Variants in ARHGAP32 observed in about 807,000 individuals in gnomAD.
The protein encoded by ARHGAP32 is Rho GTPase activating protein 32.
Under a neutral mutation model 186.5 loss-of-function variants are expected in ARHGAP32, and 51 were observed. The ratio of observed to expected loss-of-function variants is 0.27; its 90% CI spans 0.22 to 0.35. The LOEUF is 0.35. Among genes scored for constraint, ARHGAP32 ranks in the 10% least tolerant of loss-of-function variants. ARHGAP32 has a pLI of 1.00. For synonymous variants in ARHGAP32, 950 were observed against 964.3 expected (o/e 0.99, Z 0.27); for missense variants, 2,186 against 2,623.5 (o/e 0.83, Z 3.64).
intron 1 of ARHGAP32, among the ~76,000 whole-genome samples, chr11:129,209,386 C>G (rs1046040226): frequency 4.1e-5 from 6 of 147,886 alleles, no homozygotes; most frequent in Non-Finnish European, 9.0e-5. Flanking sequence ...AACAAGAAGA[C>G]GGACAAAGAA....
Position 128,985,999 on chromosome 11 carries a change from T to C in ARHGAP32, c.1526+4A>G, listed in dbSNP as rs1945862965. The C allele has an allele frequency of 6.2e-7, 1 of 1,602,832 alleles. No homozygotes were observed. Among genetic ancestry groups the C allele is most frequent in the African/African-American group, 1.4e-5 (1 of 73,892 alleles). ...CTGCCTGGTATTTACCCACTGTGGC[T>C]GACCTGTAGTGTGGTGGGGGGAGCT... On this transcript the variant is annotated splice_donor_region_variant and intron_variant, in intron 15 of 22. Transcript: ENST00000682385.
intron 1 of ARHGAP32, among the ~76,000 whole-genome samples, chr11:129,204,760 C>G (rs1163610828): frequency 6.6e-6 from 1 of 152,170 alleles, no homozygotes; most frequent in African/African-American, 2.4e-5. Flanking sequence ...AAATTACAGG[C>G]ATTTTTCTCA....
chr11:129,189,690 TACCA>T (rs1382368629), intron 1 of ARHGAP32, among the ~76,000 whole-genome samples: 1 of 152,190 alleles, frequency 6.6e-6, no homozygotes, highest in Non-Finnish European at 1.5e-5. Flanking sequence ...AAATTTAAAC[TACCA>T]CCATGAAGGA....
intron 1 of ARHGAP32, among the ~76,000 whole-genome samples, chr11:129,258,761 A>C (rs1168030872): frequency 6.6e-6 from 1 of 152,250 alleles, no homozygotes; most frequent in Non-Finnish European, 1.5e-5. Context: ...ACTATGATGA[A>C]CAAATTCTCC....
Position 128,974,946 on chromosome 11 carries a change from C to T in ARHGAP32, c.2251G>A (p.Ala751Thr). The change falls in exon 21 of 23, where the codon GCC (alanine) becomes ACC (threonine). Residue 751 changes from alanine to threonine, a missense_variant. Coordinates refer to ENST00000682385, the MANE Select transcript of ARHGAP32 (RefSeq NM_001378024.1). Reference sequence around the variant, plus strand: ...CCCAGCATTTCTCCATTAAAAGAGGCAGACAGTGCATCACTGGAAGATCTG... The same window carrying T: ...CCCAGCATTTCTCCATTAAAAGAGGTAGACAGTGCATCACTGGAAGATCTG... ...RPRSSSDALS[A>T]SFNGEMLGNR... 6.2e-7 allele frequency: 1 copy of T among 1,613,712 alleles called. No homozygotes were observed. Among genetic ancestry groups the T allele is most frequent in the Non-Finnish European group, 8.5e-7 (1 of 1,179,816 alleles).
intron 5 of ARHGAP32, among the ~76,000 whole-genome samples, chr11:129,101,241 T>C (rs1354215079): frequency 6.6e-6 from 1 of 152,122 alleles, no homozygotes. Flanking sequence ...TAAAAGACTG[T>C]ACATAAGCCC....
chr11:129,023,380 T>G (rs1938686551), intron 11 of ARHGAP32, among the ~76,000 whole-genome samples: 1 of 152,176 alleles, frequency 6.6e-6, no homozygotes, highest in Non-Finnish European at 1.5e-5. Context: ...GAGGAGCCTC[T>G]TTACACAGTC....
chr11:129,259,053 A>G (rs914276956), intron 1 of ARHGAP32, among the ~76,000 whole-genome samples: 2 of 152,218 alleles, frequency 1.3e-5, no homozygotes, highest in African/African-American at 4.8e-5. Flanking sequence ...ACCTAAAAGT[A>G]TATGAAATAA....
At chr11:129,266,351 A>G (rs1330813805) in intron 1 of ARHGAP32, among the ~76,000 whole-genome samples, 1 of 152,106 alleles carries the variant, frequency 6.6e-6, no homozygotes, top group Non-Finnish European at 1.5e-5. Flanking sequence ...TAAAATATAT[A>G]TATATATGCT....
intron 1 of ARHGAP32, among the ~76,000 whole-genome samples, chr11:129,170,040 A>T (rs549402834): frequency 9.2e-5 from 14 of 152,224 alleles, no homozygotes; most frequent in Middle Eastern, 3.4e-3. Context: ...ATATAAAATC[A>T]AACCCAGTAA....
At chr11:129,264,345 A>C (rs554505909) in intron 1 of ARHGAP32, among the ~76,000 whole-genome samples, 91 of 152,330 alleles carry the variant, frequency 6.0e-4, no homozygotes, top group African/African-American at 2.1e-3. Context: ...TCACACTACT[A>C]AACTGCACAC....
chr11:129,128,823 G>C (rs1942725696), intron 2 of ARHGAP32, among the ~76,000 whole-genome samples: 1 of 152,210 alleles, frequency 6.6e-6, no homozygotes, highest in African/African-American at 2.4e-5. Context: ...GACCGCAAGT[G>C]ATCTGCCTGC....
chr11:129,024,897 A>T (rs1393569736), intron 11 of ARHGAP32, among the ~76,000 whole-genome samples: 1 of 152,202 alleles, frequency 6.6e-6, no homozygotes, highest in Non-Finnish European at 1.5e-5. Context: ...AGTTATTTGC[A>T]TAAATACAAT....
intron 1 of ARHGAP32, among the ~76,000 whole-genome samples, chr11:129,177,556 G>A (rs1300584255): frequency 2.0e-5 from 3 of 152,114 alleles, no homozygotes; most frequent in African/African-American, 4.8e-5. Flanking sequence ...CTGGCAAACT[G>A]AATCCAGCAG....
chr11:129,245,560 T>G lies in ARHGAP32; in HGVS notation c.-5+33586A>C, dbSNP rs1478717597. ...CACATGTATACATATGTAACTAACC[T>G]GCACAATGTGCACATGTACCCTAAA... is the stretch of plus-strand genomic sequence containing the variant. On this transcript the variant is annotated intron_variant, in intron 1 of 6. Transcript: ENST00000525234. Among the ~76,000 whole-genome samples the G allele has an allele frequency of 4.7e-5, 7 of 150,100 alleles. No homozygotes were observed. In the East Asian group the frequency reaches 1.2e-3, roughly 25 times the overall value.
intron 10 of ARHGAP32, among the ~76,000 whole-genome samples, chr11:129,054,274 G>C (rs1940166519): frequency 6.6e-6 from 1 of 152,098 alleles, no homozygotes; most frequent in Non-Finnish European, 1.5e-5. Context: ...GTGCTTTACG[G>C]AAGATTTTCT....
intron 1 of ARHGAP32, among the ~76,000 whole-genome samples, chr11:129,188,812 G>A (rs997434392): frequency 2.6e-5 from 4 of 151,970 alleles, no homozygotes; most frequent in African/African-American, 9.7e-5. Context: ...CAGCGATCTG[G>A]GCATCTACAG....
At chr11:129,142,143 G>T (rs1943068930) in intron 2 of ARHGAP32, among the ~76,000 whole-genome samples, 1 of 152,068 alleles carries the variant, frequency 6.6e-6, no homozygotes, top group African/African-American at 2.4e-5. Flanking sequence ...TAAGCTATCT[G>T]AACAGTAGTG....
intron 5 of ARHGAP32, among the ~76,000 whole-genome samples, chr11:129,122,334 T>G (rs1942552176): frequency 6.8e-6 from 1 of 146,958 alleles, no homozygotes; most frequent in Non-Finnish European, 1.5e-5. Flanking sequence ...TTGTAAAGAT[T>G]AAAAAAAAAA....
Sources: allele counts gnomAD v4.1 joint callset (sites outside exome capture counted in the v4.1 genomes callset), GRCh38; gene constraint gnomAD v4.1.1; transcripts MANE v1.5; gene names NCBI Gene and HGNC (gene_info 2026-07-23, HGNC 2026-07-21).